The following COL5A3 variants were observed in gnomAD, a reference collection of about 807,000 sequenced individuals.
COL5A3 encodes collagen type V alpha 3 chain.
A neutral mutation model predicts 250.0 loss-of-function variants in COL5A3; 172 were observed. The ratio of observed to expected loss-of-function variants is 0.69; its 90% CI spans 0.61 to 0.78. COL5A3 has a LOEUF of 0.78. COL5A3 is among the 30% of genes least tolerant of loss of function. The pLI, the probability that COL5A3 is intolerant of heterozygous loss-of-function variation, is 0.00. For synonymous variants in COL5A3, 937 were observed against 900.4 expected (o/e 1.04, Z -0.73); for missense variants, 2,340 against 2,334.4 (o/e 1.00, Z -0.05).
chr19:9,981,803 G>A (rs987435246), intron 32 of COL5A3, among the ~76,000 whole-genome samples: 2 of 152,318 alleles, frequency 1.3e-5, no homozygotes, highest in East Asian at 3.9e-4. Context: ...GCACAGGCCT[G>A]CAGGCTGCGG....
intron 31 of COL5A3, 23 bp from the exon 32 acceptor site, chr19:9,982,141 A>G (rs1339063628): frequency 6.4e-7 from 1 of 1,562,522 alleles, no homozygotes. Flanking sequence ...AATTAGAAAG[A>G]AGACATGAGG....
chr19:9,968,718 C>T lies in COL5A3; in HGVS notation c.4163G>A (p.Gly1388Asp), dbSNP rs1460531678. Reference protein sequence around the residue: ...MGPPGPLGPSGLPGLKGDTGP... With the variant: ...MGPPGPLGPSDLPGLKGDTGP... ...AGTGTCTCCCTTCAGCCCTGGGAGG[C>T]CAGAGGGCCCCTGGGAGAAGAGCAA... The change falls in exon 58 of 67, where the codon GGC (glycine) becomes GAC (aspartate). Residue 1388 changes from glycine (G) to aspartate (D), a missense_variant. Gly to Asp is a moderately conservative substitution (Grantham distance 94, BLOSUM62 -1). Coordinates refer to ENST00000264828, the MANE Select transcript of COL5A3 (RefSeq NM_015719.4). The surrounding 1 kb of genome is among the most constrained non-coding windows in gnomAD (Gnocchi z 4.1). 2 of 1,605,862 alleles carry T rather than the reference C, an allele frequency of 1.2e-6. No homozygotes were observed. The highest frequency in any genetic ancestry group is 1.7e-4 in the Middle Eastern group (1 of 6,030).
chr19:9,998,171 T>G (rs748526808), intron 8 of COL5A3, 22 bp from the exon 9 acceptor site: 1 of 1,602,572 alleles, frequency 6.2e-7, no homozygotes, highest in East Asian at 2.2e-5. Flanking sequence ...TCAGGGGAGA[T>G]GGAGAGAAAA....
intron 31 of COL5A3, among the ~76,000 whole-genome samples, chr19:9,984,418 G>C (rs1339530706): frequency 6.6e-6 from 1 of 152,158 alleles, no homozygotes; most frequent in Non-Finnish European, 1.5e-5. Context: ...AATCTCATCA[G>C]TGTCCTCACC....
In COL5A3 at chr19:9,986,762, G is replaced by T; in HGVS notation, c.2146-4C>A. Reference sequence around the variant, plus strand: ...GGCCCCGGTTGCCTGAAGTGCCCTGGAAAATAAAAAAAAAAAGCTCTCAAG... The same window carrying T: ...GGCCCCGGTTGCCTGAAGTGCCCTGTAAAATAAAAAAAAAAAGCTCTCAAG... On this transcript the variant is annotated splice_region_variant and splice_polypyrimidine_tract_variant and intron_variant, in intron 27 of 66. Transcript: ENST00000264828. The T allele has an allele frequency of 6.4e-7, 1 of 1,561,228 alleles. No homozygotes were observed.
rs531560225 is a variant in COL5A3 at position 10,002,859 on chromosome 19, A to G, written c.849+706T>C. Among the ~76,000 whole-genome samples, 5 of 152,094 alleles carry G rather than the reference A, an allele frequency of 3.3e-5. No homozygotes were observed. The South Asian group carries it at 1.0e-3, about 32-fold the overall frequency. ...ATTACCCCATCTGCGACCCCCTGAA[A>G]ATCACTCTTCCAACTTGTGGCCCCA... is the stretch of plus-strand genomic sequence containing the variant. On this transcript the variant is annotated intron_variant, in intron 6 of 66. Transcript: ENST00000264828.
rs1444893467 is a variant in COL5A3, at chr19:9,973,011, T to C, written c.3682A>G (p.Ile1228Val). Residue 1228 changes from isoleucine (I) to valine (V), a missense_variant, in exon 51 of 67, where the codon ATT (isoleucine) becomes GTT (valine). Physicochemically the swap from Ile to Val is conservative, Grantham distance 29. Coordinates refer to ENST00000264828, the MANE Select transcript of COL5A3 (RefSeq NM_015719.4). ...APGIPGPKGD[I>V]GEKGDSGPSG... ...GGGCCTGAGTCCCCCTTTTCACCAA[T>C]GTCTCCCTTGGGCCCCTTTACAGAA... is the stretch of plus-strand genomic sequence containing the variant. 1.9e-6 allele frequency: 3 copies of C among 1,608,732 alleles called. No individual in the cohort carries two copies. The African/African-American group carries it at 4.0e-5, about 21-fold the overall frequency.
intron 54 of COL5A3, among the ~76,000 whole-genome samples, 171 bp downstream of exon 54, chr19:9,970,451 G>T (rs574619970): frequency 1.2e-5 from 1 of 84,782 alleles, no homozygotes; most frequent in Non-Finnish European, 2.4e-5. Context: ...TGGGTGAGTG[G>T]GGTCTGTGGG....
At chr19:9,997,937 C>A (rs2087295616) in intron 10 of COL5A3, 47 bp downstream of exon 10, 1 of 1,608,972 alleles carries the variant, frequency 6.2e-7, no homozygotes, top group African/African-American at 1.3e-5. Context: ...AAACACCCCT[C>A]AGCTGGAAGG....
At position 9,974,224 on chromosome 19, in the gene COL5A3, C is replaced by A. The variant is rs777765260; in HGVS notation, c.3451G>T (p.Gly1151Trp). 25 of 1,613,938 alleles carry A rather than the reference C, an allele frequency of 1.5e-5. No homozygotes were observed. The highest frequency in any genetic ancestry group is 1.5e-5 in the Non-Finnish European group (18 of 1,179,966). Reference sequence around the variant, plus strand: ...TTCTCTCCCGGAGGGCCTGGCAGCCCCTGTGGAACAAAGAAGCAAGATTGG... The same window carrying A: ...TTCTCTCCCGGAGGGCCTGGCAGCCACTGTGGAACAAAGAAGCAAGATTGG... The part of the protein sequence containing the change: ...VGVIGPPGLQ[G>W]LPGPPGEKGE... Residue 1151 changes from glycine to tryptophan, a missense_variant and splice_region_variant, in exon 47 of 67, where the codon GGG becomes TGG. Gly to Trp is a radical substitution (Grantham distance 184). Coordinates refer to ENST00000264828, the MANE Select transcript of COL5A3 (RefSeq NM_015719.4).
chr19:9,966,600 G>A lies in COL5A3; in HGVS notation c.4605C>T (p.Gly1535=). The A allele has an allele frequency of 1.3e-6, 2 of 1,540,450 alleles. No homozygotes were observed. The highest frequency in any genetic ancestry group is 2.4e-5 in the South Asian group (2 of 84,154). ...LELEQLRRPP[G]TAERPGLVCH... Reference sequence around the variant, plus strand: ...ACACGAGGCCCGGGCGCTCCGCAGTGCCGGGAGGACGCCGCAGCTGCTCCA... The same window carrying A: ...ACACGAGGCCCGGGCGCTCCGCAGTACCGGGAGGACGCCGCAGCTGCTCCA... Residue 1535 remains glycine (G), a synonymous_variant, in exon 63 of 67, where the codon GGC becomes GGT. Transcript: ENST00000264828.
intron 6 of COL5A3, among the ~76,000 whole-genome samples, chr19:10,002,675 C>T (rs2087381643): frequency 1.3e-5 from 2 of 152,230 alleles, no homozygotes; most frequent in South Asian, 2.1e-4. Flanking sequence ...TAACCCCCAT[C>T]GGTGACCCCT....
intron 4 of COL5A3, among the ~76,000 whole-genome samples, chr19:10,004,622 C>T (rs1045665009): frequency 4.6e-5 from 7 of 152,264 alleles, no homozygotes; most frequent in Non-Finnish European, 7.4e-5. Flanking sequence ...TGAGCCACCG[C>T]GCCCGGCCAA....
Position 9,968,516 on chromosome 19 carries a change from CA to C in COL5A3, c.4207-25del. The C allele has an allele frequency of 6.3e-7, 1 of 1,580,562 alleles. No homozygotes were observed. Among genetic ancestry groups the C allele is most frequent in the Non-Finnish European group, 8.6e-7 (1 of 1,166,978 alleles). Reference sequence around the variant, plus strand: ...CCCTGAAGGACAAAAGAGGCACAGACAGGGGAGGACGTGGGAGGATTCAGGG... The same window carrying C: ...CCCTGAAGGACAAAAGAGGCACAGACGGGGAGGACGTGGGAGGATTCAGGG... On this transcript the variant is annotated intron_variant, in intron 58 of 66. Transcript: ENST00000264828. This position sits in a 1 kb window ranked among gnomAD's most constrained non-coding sequence, Gnocchi z 4.1.
At chr19:9,966,929 AAG>A (rs1027261401) in intron 62 of COL5A3, among the ~76,000 whole-genome samples, 183 bp from the exon 63 acceptor site, 2 of 152,082 alleles carry the variant, frequency 1.3e-5, no homozygotes, top group Admixed American at 1.3e-4. Flanking sequence ...ACACACAGGA[AAG>A]AGAGAGACAG....
At position 10,003,429 on chromosome 19, in the gene COL5A3, A is replaced by G. The variant is rs559977249; in HGVS notation, c.849+136T>C. The G allele has an allele frequency of 6.8e-6, 6 of 888,452 alleles. No homozygotes were observed. The African/African-American group carries it at 1.0e-4, about 15-fold the overall frequency. 55.0% of individuals were successfully genotyped at this position (888,452 alleles called of 1,614,324 possible). On this transcript the variant is annotated intron_variant, in intron 6 of 66. Transcript: ENST00000264828. The stretch of plus-strand genomic sequence containing the variant: ...AGAGCTCATGGATCCGAGACCAGAG[A>G]AAAAGATCATAGATGAGGGACCAGA...
chr19:9,996,409 A>C, intron 13 of COL5A3, 24 bp downstream of exon 13: 1 of 1,611,996 alleles, frequency 6.2e-7, no homozygotes, highest in South Asian at 1.1e-5. Flanking sequence ...GGTTCCTCCC[A>C]CTATGTCCAC....
intron 27 of COL5A3, among the ~76,000 whole-genome samples, chr19:9,988,219 A>T (rs1462020349): frequency 6.6e-6 from 1 of 152,142 alleles, no homozygotes; most frequent in Non-Finnish European, 1.5e-5. Context: ...GGGCAACAAG[A>T]GCAGAACCAG....
intron 53 of COL5A3, 136 bp downstream of exon 53, chr19:9,970,839 C>A: frequency 1.9e-6 from 2 of 1,065,422 alleles, no homozygotes; most frequent in Non-Finnish European, 1.3e-6. Context: ...TCCTGGGGGT[C>A]CCCAGAGAGG....
Sources: gnomAD v4.1 joint callset for allele counts (sites outside exome capture counted in the v4.1 genomes callset) on GRCh38, gnomAD v4.1.1 for gene constraint, Gnocchi (gnomAD v3.1) non-coding constraint, MANE v1.5 for transcripts, NCBI Gene and HGNC (gene_info 2026-07-23, HGNC 2026-07-21) for gene names.